CHN2: variants seen among roughly 807,000 people sequenced by gnomAD.
The protein encoded by CHN2 is chimerin 2, also known as beta-chimaerin.
In CHN2, 35 loss-of-function variants were observed where a neutral mutation model predicts 56.3. The observed-to-expected ratio is 0.62, with a 90% CI of 0.47 to 0.82. The LOEUF (loss-of-function observed/expected upper bound fraction) is 0.82, where lower values mean the gene tolerates loss of function less well. CHN2 is among the 40% of genes least tolerant of loss of function. The pLI is 0.00. For synonymous variants in CHN2, 210 were observed against 212.8 expected, an observed-to-expected ratio of 0.99 and a Z score of 0.12; for missense variants, 491 against 580.5, an observed-to-expected ratio of 0.85 and a Z score of 1.58.
chr7:29,502,315 T>C lies in CHN2; in HGVS notation c.913+2275T>C, dbSNP rs949904058. 3.3e-5 allele frequency among the ~76,000 whole-genome samples: 5 copies of C among 152,288 alleles called. 1 individual carries two copies. The highest frequency in any genetic ancestry group is 1.5e-5 in the Non-Finnish European group (1 of 68,022). On this transcript the variant is annotated intron_variant, in intron 9 of 12. Coordinates refer to ENST00000222792, the MANE Select transcript of CHN2 (RefSeq NM_004067.4). ...CTGCAGCTTGTTGCTCTGTCCTGCTTGAGTGCTATCCTGCGTGCACAATCA... is the reference window on the plus strand; with the variant it reads ...CTGCAGCTTGTTGCTCTGTCCTGCTCGAGTGCTATCCTGCGTGCACAATCA...
At chr7:29,177,677 T>C (rs191953890) in intron 2 of CHN2, among the ~76,000 whole-genome samples, 4 of 152,128 alleles carry the variant, frequency 2.6e-5, no homozygotes, top group East Asian at 1.9e-4. Flanking sequence ...TATTTATCTA[T>C]CTGTCCATCC....
intron 3 of CHN2, among the ~76,000 whole-genome samples, chr7:29,382,678 TC>T (rs1800608679): frequency 6.6e-6 from 1 of 152,142 alleles, no homozygotes; most frequent in Non-Finnish European, 1.5e-5. Flanking sequence ...ACAATCCCAA[TC>T]CCAGTAAGAT....
intron 1 of CHN2, among the ~76,000 whole-genome samples, chr7:29,254,762 G>A (rs117275577): frequency 7.3e-4 from 111 of 152,232 alleles, no homozygotes; most frequent in Non-Finnish European, 1.3e-3. Flanking sequence ...GCTTGGCACC[G>A]TCTCCTTTCA....
chr7:29,452,746 G>T (rs1448218050), intron 6 of CHN2, among the ~76,000 whole-genome samples: 1 of 151,554 alleles, frequency 6.6e-6, no homozygotes. Context: ...AAGCTGAATT[G>T]TCAATAGCAT....
chr7:29,460,028 T>G (rs1426555394), intron 6 of CHN2, among the ~76,000 whole-genome samples: 1 of 150,644 alleles, frequency 6.6e-6, no homozygotes, highest in Non-Finnish European at 1.5e-5. Context: ...GTTCTGATCC[T>G]TATGTTCTTC....
At chr7:29,417,341 T>C (rs1038733605) in intron 6 of CHN2, among the ~76,000 whole-genome samples, 3 of 150,432 alleles carry the variant, frequency 2.0e-5, no homozygotes, top group Non-Finnish European at 3.0e-5. Context: ...CCCTTTTTTT[T>C]TTTTTTTTTT....
intron 6 of CHN2, among the ~76,000 whole-genome samples, chr7:29,436,223 C>T: frequency 6.6e-6 from 1 of 152,124 alleles, no homozygotes; most frequent in Admixed American, 6.5e-5. Context: ...CTGCATCTCT[C>T]AGCAGCTCCC....
At chr7:29,423,285 C>T (rs1357484306) in intron 6 of CHN2, among the ~76,000 whole-genome samples, 1 of 152,242 alleles carries the variant, frequency 6.6e-6, no homozygotes, top group African/African-American at 2.4e-5. Context: ...CCCCGCAGGA[C>T]TGAAGACTCA....
chr7:29,360,127 A>T (rs1004700719), intron 2 of CHN2, among the ~76,000 whole-genome samples: 40 of 152,228 alleles, frequency 2.6e-4, no homozygotes, highest in African/African-American at 9.6e-4. Flanking sequence ...TTTCTCTTAT[A>T]CATACTTACG....
At chr7:29,365,690 C>T (rs541728799) in intron 2 of CHN2, among the ~76,000 whole-genome samples, 1 of 152,306 alleles carries the variant, frequency 6.6e-6, no homozygotes, top group South Asian at 2.1e-4. Flanking sequence ...AGGAAACCAA[C>T]TTGGCTGAGC....
chr7:29,280,182 G>A (rs1409846205), intron 1 of CHN2, among the ~76,000 whole-genome samples: 5 of 151,954 alleles, frequency 3.3e-5, no homozygotes, highest in African/African-American at 4.8e-5. Context: ...TCATGAGTTT[G>A]AGACCAGCCT....
At chr7:29,484,696 A>G (rs1441777394) in intron 7 of CHN2, among the ~76,000 whole-genome samples, 1 of 152,142 alleles carries the variant, frequency 6.6e-6, no homozygotes, top group East Asian at 1.9e-4. Flanking sequence ...ATGCACAGTG[A>G]CCCAGGGTTA....
intron 10 of CHN2, among the ~76,000 whole-genome samples, chr7:29,506,657 T>C (rs1249139113): frequency 6.6e-6 from 1 of 151,992 alleles, no homozygotes; most frequent in African/African-American, 2.4e-5. Context: ...AAAAGAATGA[T>C]AAGAAATATA....
chr7:29,418,571 C>T lies in CHN2; in HGVS notation c.576+17743C>T, dbSNP rs956155633. 2.6e-5 allele frequency among the ~76,000 whole-genome samples: 4 copies of T among 152,336 alleles called. No homozygotes were observed. The East Asian group carries it at 5.8e-4, about 22-fold the overall frequency. ...TTTGTTTTGTTTTTAAATCTGGAAG[C>T]ATGGCTTATCTGATTGCCCTCTGGG... On this transcript the variant is annotated intron_variant, in intron 6 of 12. Transcript: ENST00000222792.
chr7:29,422,980 T>G (rs896774070), intron 6 of CHN2, among the ~76,000 whole-genome samples: 3 of 152,258 alleles, frequency 2.0e-5, no homozygotes, highest in Admixed American at 2.0e-4. Context: ...CAGCTCTTTT[T>G]ACATACTTGA....
At position 29,512,584 on chromosome 7, in the gene CHN2, A is replaced by T; in HGVS notation, c.1256A>T (p.Asp419Val). Residue 419 changes from aspartate to valine, a missense_variant, in exon 13 of 13, where the codon GAC becomes GTC. By Grantham distance (152) the Asp-to-Val change is radical (BLOSUM62 -3). Transcript: ENST00000222792. Reference protein sequence around the residue: ...HLKKVTMNEKDNFMNAENLGI... With the variant: ...HLKKVTMNEKVNFMNAENLGI... ...TGCAGGGTTACTATGAATGAAAAAG[A>T]CAATTTCATGAATGCAGAAAATCTG... The T allele has an allele frequency of 6.2e-7, 1 of 1,612,908 alleles. No individual in the cohort carries two copies. The highest frequency in any genetic ancestry group is 8.5e-7 in the Non-Finnish European group (1 of 1,179,638).
chr7:29,182,802 T>C (rs544334233), intron 2 of CHN2, among the ~76,000 whole-genome samples: 129 of 152,328 alleles, frequency 8.5e-4, no homozygotes, highest in Middle Eastern at 3.4e-3. Context: ...ATTAAATTCC[T>C]TGGACAGGGT....
At chr7:29,354,905 T>C (rs1014657573) in intron 2 of CHN2, among the ~76,000 whole-genome samples, 4 of 151,974 alleles carry the variant, frequency 2.6e-5, no homozygotes, top group African/African-American at 9.7e-5. Context: ...AGGGGTGGAC[T>C]TTCTGACTCT....
chr7:29,468,975 T>A (rs948206659), intron 6 of CHN2, among the ~76,000 whole-genome samples: 1 of 152,180 alleles, frequency 6.6e-6, no homozygotes, highest in South Asian at 2.1e-4. Flanking sequence ...TTCAGGAACC[T>A]CAGGCTTGTA....
Sources: allele counts gnomAD v4.1 joint callset (sites outside exome capture counted in the v4.1 genomes callset), GRCh38; gene constraint gnomAD v4.1.1; transcripts MANE v1.5; gene names NCBI Gene and HGNC (gene_info 2026-07-23, HGNC 2026-07-21).